NRXN3: variants seen among roughly 807,000 people sequenced by gnomAD.
The protein encoded by NRXN3 is neurexin 3.
NRXN3 carries 32 observed loss-of-function variants against 137.6 expected under a neutral mutation model. That is an observed-to-expected ratio of 0.23 (90% CI 0.18 to 0.31). NRXN3 has a LOEUF of 0.31. Ranked by LOEUF, NRXN3 falls within the 10% of genes least tolerant of loss-of-function variation. The pLI is 1.00. For synonymous variants in NRXN3, 798 were observed against 784.5 expected (o/e 1.02, Z -0.29); for missense variants, 1,574 against 2,062.5 (o/e 0.76, Z 4.59).
intron 19 of NRXN3, among the ~76,000 whole-genome samples, chr14:79,752,461 A>G (rs1240386359): frequency 6.6e-6 from 1 of 152,204 alleles, no homozygotes; most frequent in Non-Finnish European, 1.5e-5. Context: ...AAGACAAGCA[A>G]TGGGGAAAGG....
In NRXN3 at chr14:79,803,913, GTA is replaced by G. The variant is rs72231822; in HGVS notation, c.4015-1187_4015-1186del. Among the ~76,000 whole-genome samples, 494 of 139,316 alleles carry G rather than the reference GTA, an allele frequency of 3.5e-3. 1 individual carries two copies. Among genetic ancestry groups the G allele is most frequent in the African/African-American group, 8.3e-3 (302 of 36,584 alleles). 91.4% of individuals were successfully genotyped at this position (139,316 alleles called of 152,430 possible). ...AAAGTGTGTGTGTATATATATATAT[GTA>G]TATATATATATGTGTGTGTATATAT... On this transcript the variant is annotated intron_variant, in intron 19 of 20. Transcript: ENST00000335750.
At chr14:79,525,508 C>T (rs970336053) in intron 16 of NRXN3, among the ~76,000 whole-genome samples, 10 of 152,190 alleles carry the variant, frequency 6.6e-5, no homozygotes, top group African/African-American at 2.4e-4. Context: ...TAGCTGCAAA[C>T]CTATTAATGC....
intron 6 of NRXN3, among the ~76,000 whole-genome samples, chr14:78,670,125 T>C (rs8009675): frequency 0.25 from 37,675 of 151,842 alleles, 4,903 homozygotes; most frequent in East Asian, 0.4. Flanking sequence ...GTTTTCTGAT[T>C]TTGTGATAGT....
chr14:79,144,464 G>A (rs11159396), intron 15 of NRXN3, among the ~76,000 whole-genome samples: 49,651 of 152,026 alleles, frequency 0.33, 8,612 homozygotes, highest in Admixed American at 0.46. Context: ...AATCATCTTA[G>A]AAGCAGAAAT....
intron 10 of NRXN3, among the ~76,000 whole-genome samples, chr14:78,904,623 T>C (rs1227355840): frequency 6.6e-6 from 1 of 152,084 alleles, no homozygotes; most frequent in Non-Finnish European, 1.5e-5. Flanking sequence ...TTTTCAACTC[T>C]CAGGAGGCCA....
chr14:79,712,389 A>C (rs1443702323), intron 19 of NRXN3, among the ~76,000 whole-genome samples: 1 of 152,220 alleles, frequency 6.6e-6, no homozygotes, highest in African/African-American at 2.4e-5. Context: ...GATTAAATAA[A>C]TGTTCAGAGT....
intron 8 of NRXN3, among the ~76,000 whole-genome samples, chr14:78,737,043 C>G (rs2098544160): frequency 1.3e-5 from 2 of 152,130 alleles, no homozygotes; most frequent in Admixed American, 1.3e-4. Flanking sequence ...CTTCCCTTTC[C>G]CCTTCCTCCT....
chr14:79,831,616 C>T (rs1234475875), intron 20 of NRXN3, among the ~76,000 whole-genome samples: 2 of 152,054 alleles, frequency 1.3e-5, no homozygotes, highest in Non-Finnish European at 2.9e-5. Context: ...TATTTTGGTT[C>T]GGCCCAGCTC....
intron 7 of NRXN3, chr14:78,710,031 C>A (rs1250103031): frequency 1.4e-5 from 3 of 220,706 alleles, no homozygotes; most frequent in Non-Finnish European, 2.7e-5. Flanking sequence ...CCGATTGTGA[C>A]ATCACAGATG....
intron 2 of NRXN3, among the ~76,000 whole-genome samples, chr14:78,274,892 C>A (rs560105882): frequency 6.6e-6 from 1 of 152,258 alleles, no homozygotes; most frequent in South Asian, 2.1e-4. Context: ...CTGAATATTT[C>A]TTGAGTACCT....
chr14:79,532,120 G>GA (rs1052363556), intron 16 of NRXN3, among the ~76,000 whole-genome samples: 1 of 152,092 alleles, frequency 6.6e-6, no homozygotes, highest in African/African-American at 2.4e-5. Flanking sequence ...TCAATGTTCT[G>GA]AAAATCTTGT....
At chr14:78,663,119 C>A (rs1202337380) in intron 6 of NRXN3, among the ~76,000 whole-genome samples, 1 of 152,190 alleles carries the variant, frequency 6.6e-6, no homozygotes, top group African/African-American at 2.4e-5. Flanking sequence ...CCACTTACAT[C>A]ATTCTAAGTG....
intron 8 of NRXN3, among the ~76,000 whole-genome samples, chr14:78,733,941 C>A (rs995944268): frequency 1.3e-5 from 2 of 152,134 alleles, no homozygotes; most frequent in Non-Finnish European, 2.9e-5. Context: ...AACATGAAGT[C>A]TATTGAACAA....
rs1454779673 is a variant in NRXN3, at chr14:78,926,737, ATATAT to A, written c.2276-30504_2276-30500del. ...ATTATATAATTATATATAATATAAA[ATATAT>A]ATTATATATTATATATATATTATAT... On this transcript the variant is annotated intron_variant, in intron 10 of 20. Coordinates refer to ENST00000335750, the MANE Select transcript of NRXN3 (RefSeq NM_001330195.2). 7.6e-4 allele frequency among the ~76,000 whole-genome samples: 50 copies of A among 65,740 alleles called. 1 individual carries two copies. The highest frequency in any genetic ancestry group is 3.8e-3 in the African/African-American group (47 of 12,236). 43.1% of individuals were successfully genotyped at this position (65,740 alleles called of 152,430 possible). A position where few individuals can be genotyped will look rare whatever the true frequency, so the allele number is the denominator to read the frequency against.
Position 79,751,245 on chromosome 14 carries a change from A to C in NRXN3, c.4014+53308A>C, listed in dbSNP as rs575715233. ...ATTTGTTTGTATCCTCTTTTATTTC[A>C]TTGAGCAGTGGTTTGTAGTTCTCCT... is the stretch of plus-strand genomic sequence containing the variant. On this transcript the variant is annotated intron_variant, in intron 19 of 20. Transcript: ENST00000335750. Among the ~76,000 whole-genome samples the C allele has an allele frequency of 1.2e-3, 178 of 151,956 alleles. No homozygotes were observed. In the Middle Eastern group the frequency reaches 0.014, roughly 12 times the overall value.
chr14:78,879,919 T>G lies in NRXN3; in HGVS notation c.2275+69575T>G, dbSNP rs1023318852. On this transcript the variant is annotated intron_variant, in intron 10 of 20. Transcript: ENST00000335750. Reference sequence around the variant, plus strand: ...TTAGTCAAGGTTCTGGCAGGAAAACTGGTGACACTCTCAAATGGGGGTAAT... The same window carrying G: ...TTAGTCAAGGTTCTGGCAGGAAAACGGGTGACACTCTCAAATGGGGGTAAT... Among the ~76,000 whole-genome samples, 5 of 152,226 alleles carry G rather than the reference T, an allele frequency of 3.3e-5. No individual in the cohort carries two copies. The East Asian group carries it at 7.8e-4, about 24-fold the overall frequency.
At chr14:78,523,433 C>A (rs1278413922) in intron 4 of NRXN3, among the ~76,000 whole-genome samples, 1 of 152,128 alleles carries the variant, frequency 6.6e-6, no homozygotes, top group Non-Finnish European at 1.5e-5. Flanking sequence ...CAGACTTTCT[C>A]TGCCTCATAA....
intron 6 of NRXN3, among the ~76,000 whole-genome samples, chr14:78,672,196 A>C (rs2097943131): frequency 2.0e-5 from 3 of 152,204 alleles, no homozygotes. Flanking sequence ...CATGAACTAG[A>C]ATATTGTGAG....
intron 4 of NRXN3, among the ~76,000 whole-genome samples, chr14:78,527,956 G>A (rs1019984161): frequency 3.9e-5 from 6 of 152,162 alleles, no homozygotes; most frequent in Non-Finnish European, 5.9e-5. Flanking sequence ...GCAGTAATTG[G>A]TAGGGAAGGA....
Sources: allele counts gnomAD v4.1 joint callset (sites outside exome capture counted in the v4.1 genomes callset), GRCh38; gene constraint gnomAD v4.1.1; transcripts MANE v1.5; gene names NCBI Gene and HGNC (gene_info 2026-07-23, HGNC 2026-07-21).